Variants in LRRC18 observed in about 807,000 individuals in gnomAD.
LRRC18 encodes the protein leucine rich repeat containing 18.
A neutral mutation model predicts 11.2 loss-of-function variants in LRRC18; 12 were observed. The observed-to-expected ratio is 1.07, with a 90% CI of 0.69 to 1.74. The LOEUF (loss-of-function observed/expected upper bound fraction) is 1.74, where lower values mean the gene tolerates loss of function less well. LRRC18 is among the 40% of genes most tolerant of loss of function. The probability of loss-of-function intolerance (pLI) is 0.00; values close to 1 mark genes in which losing one functional copy is unlikely to be tolerated. For synonymous variants in LRRC18, 155 were observed against 130.6 expected (o/e 1.19, Z -1.27); for missense variants, 374 against 330.5 (o/e 1.13, Z -1.02).
At chr10:48,910,934 T>C (rs1837941020) in intron 1 of LRRC18, 16 of 983,696 alleles carry the variant, frequency 1.6e-5, no homozygotes, top group Non-Finnish European at 1.9e-5. Flanking sequence ...TTGCTGAACC[T>C]TTTGAATACC....
intron 1 of LRRC18, among the ~76,000 whole-genome samples, chr10:48,911,814 G>C (rs1469201143): frequency 6.6e-6 from 1 of 152,166 alleles, no homozygotes; most frequent in African/African-American, 2.4e-5. Flanking sequence ...TTAATAAAGG[G>C]AAAAACTAAA....
the LRRC18 span, among the ~76,000 whole-genome samples, chr10:48,936,923 G>C: frequency 7.3e-6 from 1 of 137,168 alleles, no homozygotes; most frequent in Non-Finnish European, 1.6e-5. Context: ...ATAAACTTCA[G>C]GTTTTGTTTT....
At chr10:48,923,123 C>T in the LRRC18 span, among the ~76,000 whole-genome samples, 58 of 152,294 alleles carry the variant, frequency 3.8e-4, no homozygotes, top group Admixed American at 1.0e-3. Context: ...TGTCTGCTGG[C>T]TTGTCCCACG....
upstream of LRRC18, among the ~76,000 whole-genome samples, chr10:48,917,993 A>C (rs923020830): frequency 1.3e-5 from 2 of 152,238 alleles, no homozygotes; most frequent in Non-Finnish European, 2.9e-5. Context: ...AGGGTTTTAC[A>C]CTGCTTTTGA....
At chr10:48,936,851 A>G in the LRRC18 span, among the ~76,000 whole-genome samples, 1 of 151,296 alleles carries the variant, frequency 6.6e-6, no homozygotes, top group Admixed American at 6.6e-5. Flanking sequence ...AAAAAAAAAA[A>G]GAAAAAAAAA....
At chr10:48,939,772 G>A in the LRRC18 span, among the ~76,000 whole-genome samples, 1 of 152,188 alleles carries the variant, frequency 6.6e-6, no homozygotes, top group East Asian at 1.9e-4. Context: ...TGGAACTGCT[G>A]GTAATGGCGT....
the LRRC18 span, among the ~76,000 whole-genome samples, chr10:48,930,506 G>A: frequency 6.6e-6 from 1 of 152,186 alleles, no homozygotes; most frequent in African/African-American, 2.4e-5. Flanking sequence ...GTTAGGCCAA[G>A]GGGAGAAGGA....
chr10:48,913,278 C>T (rs1838174302), intron 1 of LRRC18, 114 bp downstream of exon 3: 5 of 1,007,822 alleles, frequency 5.0e-6, no homozygotes, highest in African/African-American at 1.6e-5. Flanking sequence ...ATGGGCTTGG[C>T]TGAAAGAGCT....
exon 1 of LRRC18, chr10:48,913,997 G>C: frequency 6.2e-7 from 1 of 1,614,176 alleles, no homozygotes; most frequent in Admixed American, 1.7e-5. Context: ...GGTCCAGCTC[G>C]TCCATGTCAC....
chr10:48,925,367 T>G, the LRRC18 span, among the ~76,000 whole-genome samples: 52 of 152,196 alleles, frequency 3.4e-4, no homozygotes, highest in African/African-American at 1.3e-3. Flanking sequence ...GTCCTGTGTA[T>G]GTAATGGGTG....
intron 1 of LRRC18, among the ~76,000 whole-genome samples, chr10:48,912,638 G>A (rs1457666118): frequency 6.6e-6 from 1 of 152,194 alleles, no homozygotes; most frequent in African/African-American, 2.4e-5. Context: ...GCTGAGTAAG[G>A]TGTTGATTTA....
chr10:48,914,510 C>T (rs898285915), upstream of LRRC18, among the ~76,000 whole-genome samples: 6 of 152,214 alleles, frequency 3.9e-5, no homozygotes, highest in Admixed American at 3.9e-4. Context: ...TATAAATACT[C>T]TCCACTGTCC....
chr10:48,937,050 C>A, the LRRC18 span, among the ~76,000 whole-genome samples: 4 of 151,694 alleles, frequency 2.6e-5, no homozygotes, highest in Non-Finnish European at 5.9e-5. Flanking sequence ...CCCACCACCA[C>A]GCCTGGCTAA....
exon 1 of LRRC18, chr10:48,914,046 A>T (rs1272876239): frequency 6.2e-7 from 1 of 1,614,080 alleles, no homozygotes. Context: ...GGTAATTCCC[A>T]TCTTGCTCAA....
chr10:48,932,038 C>T, the LRRC18 span, among the ~76,000 whole-genome samples: 1 of 152,194 alleles, frequency 6.6e-6, no homozygotes, highest in Non-Finnish European at 1.5e-5. Flanking sequence ...TAGAAGTGAG[C>T]CCCACTCCCC....
At chr10:48,921,273 C>CAATGGAACAGAA in the LRRC18 span, among the ~76,000 whole-genome samples, 1 of 151,552 alleles carries the variant, frequency 6.6e-6, no homozygotes, top group Non-Finnish European at 1.5e-5. Flanking sequence ...GTAGATAGGT[C>CAATGGAACAGAA]AATGGAACAG....
upstream of LRRC18, among the ~76,000 whole-genome samples, chr10:48,917,128 T>A (rs1564483698): frequency 6.6e-6 from 1 of 152,228 alleles, no homozygotes; most frequent in Non-Finnish European, 1.5e-5. Flanking sequence ...GTAGTCTACC[T>A]AGGTCTATAG....
chr10:48,927,284 C>T, the LRRC18 span, among the ~76,000 whole-genome samples: 3 of 152,130 alleles, frequency 2.0e-5, no homozygotes, highest in Non-Finnish European at 4.4e-5. Flanking sequence ...ACATCATGCC[C>T]GTGTCTTCAT....
upstream of LRRC18, among the ~76,000 whole-genome samples, chr10:48,918,574 A>C (rs1376019453): frequency 1.3e-5 from 2 of 152,248 alleles, no homozygotes; most frequent in Non-Finnish European, 2.9e-5. Flanking sequence ...ATTTAAATGA[A>C]GCAAAAACAT....
Sources: gnomAD v4.1 joint callset for allele counts (sites outside exome capture counted in the v4.1 genomes callset) on GRCh38, gnomAD v4.1.1 for gene constraint, MANE v1.5 for transcripts, NCBI Gene and HGNC (gene_info 2026-07-23, HGNC 2026-07-21) for gene names.